The following ZFHX3 variants were observed in gnomAD, a reference collection of about 807,000 sequenced individuals.
ZFHX3 encodes zinc finger homeobox protein 3.
In ZFHX3, 42 loss-of-function variants were observed where a neutral mutation model predicts 279.1. That is an observed-to-expected ratio of 0.15 (90% CI 0.12 to 0.19). ZFHX3 has a LOEUF of 0.19. Among genes scored for constraint, ZFHX3 ranks in the 10% least tolerant of loss-of-function variants. ZFHX3 has a pLI of 1.00. For synonymous variants in ZFHX3, 2,293 were observed against 1,957.8 expected, an observed-to-expected ratio of 1.17 and a Z score of -4.52; for missense variants, 4,981 against 4,754.0, an observed-to-expected ratio of 1.05 and a Z score of -1.40.
intron 7 of ZFHX3, among the ~76,000 whole-genome samples, chr16:73,112,565 T>C (rs1397356322): frequency 2.0e-5 from 3 of 151,240 alleles, no homozygotes; most frequent in African/African-American, 7.3e-5. Flanking sequence ...ATACAAAAAT[T>C]AGCCGGGCGT....
At chr16:73,768,110 C>T (rs774736530) in intron 1 of ZFHX3, among the ~76,000 whole-genome samples, 1 of 152,182 alleles carries the variant, frequency 6.6e-6, no homozygotes, top group African/African-American at 2.4e-5. Flanking sequence ...TGGCCACTTA[C>T]TGTGGAATAA....
intron 1 of ZFHX3, among the ~76,000 whole-genome samples, chr16:73,870,050 C>G (rs1962121985): frequency 6.6e-6 from 1 of 152,176 alleles, no homozygotes; most frequent in Admixed American, 6.5e-5. Flanking sequence ...AAACCTTTGA[C>G]TCTTTATTGA....
At chr16:72,909,433 A>T (rs1339845491) in intron 3 of ZFHX3, among the ~76,000 whole-genome samples, 1 of 152,150 alleles carries the variant, frequency 6.6e-6, no homozygotes, top group Non-Finnish European at 1.5e-5. Context: ...CTGTTCCCTG[A>T]CCTAAAACCC....
rs1234826128 is a variant in ZFHX3, at chr16:72,786,965, G to C, written c.*199C>G. On this transcript the variant is annotated 3_prime_UTR_variant, in exon 10 of 10. Transcript: ENST00000268489. The stretch of plus-strand genomic sequence containing the variant: ...TTTTTTTTTTAATATTAAAAGAAAA[G>C]AAAAAGACAAGAATGTAAAATCACC... 1.7e-5 allele frequency: 5 copies of C among 287,092 alleles called. No homozygotes were observed. The highest frequency in any genetic ancestry group is 2.9e-5 in the Non-Finnish European group (5 of 174,584). The allele number at this position is 287,092 out of a possible 1,614,324, so 17.8% of individuals were successfully genotyped here. A position where few individuals can be genotyped will look rare whatever the true frequency, so the allele number is the denominator to read the frequency against.
chr16:73,048,874 T>C (rs538377915), upstream of ZFHX3, among the ~76,000 whole-genome samples: 65 of 152,274 alleles, frequency 4.3e-4, no homozygotes, highest in African/African-American at 1.5e-3. Context: ...ACTAGAAAGA[T>C]AGGAAGAAAA....
At position 72,957,650 on chromosome 16, in the gene ZFHX3, C is replaced by T. The variant is rs1162210528; in HGVS notation, c.2496G>A (p.Met832Ile). Residue 832 changes from methionine to isoleucine, a missense_variant, in exon 2 of 10, where the codon ATG becomes ATA. This residue lies in a region of ZFHX3 where 1,751 missense variants were observed against 1,770.0 expected (regional missense o/e 0.99). Transcript: ENST00000268489. Reference protein sequence around the residue: ...HMTSEKHMHNMMLLQQNMTQI... With the variant: ...HMTSEKHMHNIMLLQQNMTQI... The stretch of plus-strand genomic sequence containing the variant: ...GGGTCATGTTCTGTTGCAGTAACAT[C>T]ATGTTATGCATGTGCTTCTCACTGG... 6.2e-6 allele frequency: 10 copies of T among 1,614,074 alleles called. No individual in the cohort carries two copies. The highest frequency in any genetic ancestry group is 8.5e-6 in the Non-Finnish European group (10 of 1,180,054).
chr16:72,798,096 T>C lies in ZFHX3; in HGVS notation c.4586A>G (p.Lys1529Arg). The C allele has an allele frequency of 1.2e-6, 2 of 1,614,224 alleles. No homozygotes were observed. The highest frequency in any genetic ancestry group is 1.7e-6 in the Non-Finnish European group (2 of 1,180,032). Residue 1529 changes from lysine to arginine, a missense_variant, in exon 9 of 10, where the codon AAA (lysine) becomes AGA (arginine). Lys to Arg is a conservative substitution (Grantham distance 26). Around this residue, in one of 7 missense-constraint regions of ZFHX3, gnomAD observed 1,751 missense variants for 1,770.0 expected, o/e 0.99. Coordinates refer to ENST00000268489, the MANE Select transcript of ZFHX3 (RefSeq NM_006885.4). ...SEPKRALPFR[K>R]GPNFTMEKFL... ...CTTTTCCATAGTAAAATTGGGACCT[T>C]TTCTGAAAGGCAGAGCTCTCTTTGG... is the stretch of plus-strand genomic sequence containing the variant.
intron 5 of ZFHX3, among the ~76,000 whole-genome samples, chr16:73,235,692 A>T (rs1330807434): frequency 5.4e-5 from 8 of 147,770 alleles, no homozygotes; most frequent in African/African-American, 1.8e-4. Context: ...TTTTTTTTTT[A>T]GATAGCATCT....
At chr16:73,490,111 C>T (rs2019034729) in intron 2 of ZFHX3, among the ~76,000 whole-genome samples, 3 of 152,156 alleles carry the variant, frequency 2.0e-5, no homozygotes, top group Admixed American at 6.5e-5. Context: ...TATCTTAAAA[C>T]CTTTACATTT....
chr16:73,171,272 AC>A, intron 5 of ZFHX3, among the ~76,000 whole-genome samples: 1 of 152,124 alleles, frequency 6.6e-6, no homozygotes, highest in East Asian at 1.9e-4. Context: ...ATTAATAATT[AC>A]TCTGGGATAA....
chr16:73,438,540 T>G (rs759696751), intron 3 of ZFHX3, among the ~76,000 whole-genome samples: 1 of 152,246 alleles, frequency 6.6e-6, no homozygotes, highest in Non-Finnish European at 1.5e-5. Context: ...TTAATACTTT[T>G]CCATGTTGAC....
chr16:73,565,475 T>TA (rs1227227941), intron 2 of ZFHX3, among the ~76,000 whole-genome samples: 1 of 152,094 alleles, frequency 6.6e-6, no homozygotes, highest in Non-Finnish European at 1.5e-5. Context: ...TGCTAAGGGG[T>TA]AAAAAATTAA....
chr16:72,864,636 G>C (rs2037968425), intron 4 of ZFHX3, among the ~76,000 whole-genome samples: 1 of 152,188 alleles, frequency 6.6e-6, no homozygotes, highest in Non-Finnish European at 1.5e-5. Flanking sequence ...CAGAGCAGCA[G>C]TTGACCTCTC....
At chr16:73,177,147 C>A (rs936326576) in intron 5 of ZFHX3, among the ~76,000 whole-genome samples, 11 of 149,982 alleles carry the variant, frequency 7.3e-5, no homozygotes, top group African/African-American at 2.5e-4. Context: ...GAGCAAGACT[C>A]CGTCTCAAAA....
intron 4 of ZFHX3, among the ~76,000 whole-genome samples, chr16:73,302,722 G>C (rs2015085464): frequency 1.3e-5 from 2 of 152,210 alleles, no homozygotes; most frequent in South Asian, 4.1e-4. Context: ...GGTACTTGGA[G>C]GAATGACTGT....
At chr16:73,057,797 G>A (rs1432934294) in intron 1 of ZFHX3, among the ~76,000 whole-genome samples, 1 of 150,904 alleles carries the variant, frequency 6.6e-6, no homozygotes, top group African/African-American at 2.4e-5. Flanking sequence ...GGACCCCGTG[G>A]CTCCGAACGG....
At chr16:73,445,066 C>T (rs551980691) in intron 3 of ZFHX3, among the ~76,000 whole-genome samples, 1 of 150,510 alleles carries the variant, frequency 6.6e-6, no homozygotes, top group African/African-American at 2.4e-5. Flanking sequence ...ACCCGGGAGG[C>T]GGAGGTTACA....
intron 4 of ZFHX3, chr16:73,293,743 G>C (rs888547556): frequency 6.6e-6 from 1 of 152,236 alleles, no homozygotes; most frequent in African/African-American, 2.4e-5. Context: ...GGGCAGCACA[G>C]GGCAAGGTGA....
chr16:73,213,682 C>T (rs746136168), intron 5 of ZFHX3, among the ~76,000 whole-genome samples: 3 of 152,064 alleles, frequency 2.0e-5, no homozygotes, highest in Admixed American at 6.6e-5. Context: ...ATTTAAAACA[C>T]GGGTGATGCT....
Sources: gnomAD v4.1 joint callset for allele counts (sites outside exome capture counted in the v4.1 genomes callset) on GRCh38, gnomAD v4.1.1 for gene constraint, gnomAD v4.1.1 regional missense constraint, MANE v1.5 for transcripts, NCBI Gene and HGNC (gene_info 2026-07-23, HGNC 2026-07-21) for gene names.